Variants in TARS3 observed in about 807,000 individuals in gnomAD.
TARS3 encodes threonyl-tRNA synthetase 3, also known as threonine--tRNA ligase 2, cytoplasmic.
In TARS3, 94 loss-of-function variants were observed where a neutral mutation model predicts 103.5. That is an observed-to-expected ratio of 0.91 (90% CI 0.77 to 1.08). TARS3 has a LOEUF of 1.08. Among genes scored for constraint, TARS3 ranks in the 50% least tolerant of loss-of-function variants. The probability of loss-of-function intolerance (pLI) is 0.00; values close to 1 mark genes in which losing one functional copy is unlikely to be tolerated. For synonymous variants in TARS3, 416 were observed against 355.4 expected (o/e 1.17, Z -1.92); for missense variants, 952 against 995.2 (o/e 0.96, Z 0.58).
chr15:101,706,950 A>T (rs1899595902), intron 6 of TARS3, among the ~76,000 whole-genome samples: 1 of 152,246 alleles, frequency 6.6e-6, no homozygotes, highest in South Asian at 2.1e-4. Context: ...GGATATCCAG[A>T]ATATATCAAG....
At chr15:101,718,385 C>T (rs1179391917) in intron 3 of TARS3, among the ~76,000 whole-genome samples, 1 of 151,760 alleles carries the variant, frequency 6.6e-6, no homozygotes, top group Non-Finnish European at 1.5e-5. Context: ...ACTCTTGTTG[C>T]TTTCAGCAAG....
intron 15 of TARS3, among the ~76,000 whole-genome samples, chr15:101,663,588 T>C (rs548854936): frequency 4.6e-5 from 7 of 152,380 alleles, no homozygotes; most frequent in African/African-American, 1.2e-4. Context: ...TATTTTGTGG[T>C]TGCTGTTGCT....
chr15:101,705,390 C>T (rs959302147), intron 7 of TARS3, among the ~76,000 whole-genome samples: 4 of 152,098 alleles, frequency 2.6e-5, no homozygotes, highest in East Asian at 3.9e-4. Context: ...TTAATAAGAA[C>T]GTGGAAGGAC....
Position 101,671,491 on chromosome 15 carries a change from A to G in TARS3, c.1962T>C (p.Tyr654=), listed in dbSNP as rs749391798. 1.4e-5 allele frequency: 23 copies of G among 1,599,592 alleles called. 1 individual carries two copies. Among genetic ancestry groups the G allele is most frequent in the African/African-American group, 2.7e-5 (2 of 74,688 alleles). The change falls in exon 15 of 19, where the codon TAT becomes TAC. Residue 654 remains tyrosine (Y), a synonymous_variant. Coordinates refer to ENST00000335968, the MANE Select transcript of TARS3 (RefSeq NM_152334.3). The part of the protein sequence containing the change: ...FQLPIRFNLT[Y]VSKDGDDKKR... ...TATCACATTCAATCACTCACCTAAC[A>G]TATGTGAGATTAAATCTAATAGGCA...
At chr15:101,693,518 A>G (rs1898826964) in intron 10 of TARS3, among the ~76,000 whole-genome samples, 2 of 152,176 alleles carry the variant, frequency 1.3e-5, no homozygotes, top group African/African-American at 2.4e-5. Context: ...CAGCCAAACC[A>G]TATCACCATA....
chr15:101,713,990 C>T (rs760900710), intron 4 of TARS3, among the ~76,000 whole-genome samples: 1 of 152,078 alleles, frequency 6.6e-6, no homozygotes, highest in Non-Finnish European at 1.5e-5. Flanking sequence ...TAGCATAAGC[C>T]TTGCAATTAT....
chr15:101,719,344 G>A (rs1369081501), intron 3 of TARS3, among the ~76,000 whole-genome samples: 1 of 152,202 alleles, frequency 6.6e-6, no homozygotes, highest in Non-Finnish European at 1.5e-5. Context: ...GGGGTGTTCT[G>A]TACATCACTC....
chr15:101,664,197 T>C lies in TARS3; in HGVS notation c.1968-2381A>G, dbSNP rs138315347. ...GGTCTGCAATCCACTGCTTCCACCTTTGCTTGCCTACTCGCCATTTGCCAC... is the reference window on the plus strand; with the variant it reads ...GGTCTGCAATCCACTGCTTCCACCTCTGCTTGCCTACTCGCCATTTGCCAC... On this transcript the variant is annotated intron_variant, in intron 15 of 18. Transcript: ENST00000335968. 11 of 152,532 alleles carry C rather than the reference T, an allele frequency of 7.2e-5. No individual in the cohort carries two copies. In the East Asian group the frequency reaches 1.7e-3, roughly 24 times the overall value. 9.4% of individuals were successfully genotyped at this position (152,532 alleles called of 1,614,324 possible). A position where few individuals can be genotyped will look rare whatever the true frequency, so the allele number is the denominator to read the frequency against.
chr15:101,664,573 C>G (rs1460030797), intron 15 of TARS3: 2 of 152,144 alleles, frequency 1.3e-5, no homozygotes, highest in African/African-American at 4.8e-5. Flanking sequence ...TGAACTGACA[C>G]CGAACCGCAG....
chr15:101,721,189 TC>T lies in TARS3; in HGVS notation c.502del (p.Asp168MetfsTer30). 6.2e-7 allele frequency: 1 copy of T among 1,613,080 alleles called. No individual in the cohort carries two copies. The highest frequency in any genetic ancestry group is 2.2e-5 in the East Asian group (1 of 44,868). On this transcript the variant is annotated frameshift_variant, in exon 3 of 19. Transcript: ENST00000335968. LOFTEE classifies it high-confidence loss of function. ...TSNIITVRVA[D>X]GQTVQGEVWK... ...GACTTCCCCTTGCACTGTTTGCCCA[TC>T]AGCCACTCTTACTGTGATGATGTTG... is the stretch of plus-strand genomic sequence containing the variant.
At chr15:101,695,938 G>A (rs192728812) in intron 10 of TARS3, 12 of 152,420 alleles carry the variant, frequency 7.9e-5, no homozygotes, top group East Asian at 1.9e-4. Context: ...ATAAAAGGCC[G>A]GGCGCGGTGG....
intron 4 of TARS3, among the ~76,000 whole-genome samples, chr15:101,712,944 G>A (rs1899939864): frequency 6.6e-6 from 1 of 152,218 alleles, no homozygotes; most frequent in South Asian, 2.1e-4. Context: ...TCAGTCCTTA[G>A]GGCACAGCAC....
At chr15:101,696,651 G>A (rs1418961464) in intron 10 of TARS3, among the ~76,000 whole-genome samples, 1 of 152,138 alleles carries the variant, frequency 6.6e-6, no homozygotes, top group Admixed American at 6.5e-5. Flanking sequence ...TGACTGAACA[G>A]ACACCCTCTT....
chr15:101,693,676 C>G (rs1295185569), intron 10 of TARS3, among the ~76,000 whole-genome samples: 2 of 152,150 alleles, frequency 1.3e-5, no homozygotes, highest in Non-Finnish European at 2.9e-5. Flanking sequence ...CAGGATGGAT[C>G]TGAAGCAGTG....
intron 5 of TARS3, among the ~76,000 whole-genome samples, chr15:101,709,200 T>G (rs1899731761): frequency 6.6e-6 from 1 of 152,222 alleles, no homozygotes; most frequent in Non-Finnish European, 1.5e-5. Context: ...TGTTCTTTTG[T>G]GTGGTCTTCC....
At chr15:101,686,740 G>C (rs1305982293) in intron 10 of TARS3, among the ~76,000 whole-genome samples, 3 of 152,064 alleles carry the variant, frequency 2.0e-5, no homozygotes, top group Non-Finnish European at 4.4e-5. Context: ...ATGTCAATTA[G>C]GTCAAATTGT....
intron 10 of TARS3, among the ~76,000 whole-genome samples, chr15:101,697,448 A>G (rs965660110): frequency 6.6e-6 from 1 of 152,184 alleles, no homozygotes; most frequent in African/African-American, 2.4e-5. Flanking sequence ...AGAATGTAGA[A>G]AATGACAGCC....
At chr15:101,705,602 A>G in intron 7 of TARS3, 81 bp downstream of exon 7, 1 of 1,209,390 alleles carries the variant, frequency 8.3e-7, no homozygotes, top group Non-Finnish European at 1.2e-6. Flanking sequence ...ATCGATCTCC[A>G]ACCAGAAAAC....
intron 10 of TARS3, among the ~76,000 whole-genome samples, chr15:101,688,716 C>T (rs1567338438): frequency 1.3e-5 from 2 of 152,054 alleles, no homozygotes; most frequent in Non-Finnish European, 2.9e-5. Context: ...AAGATGAATG[C>T]TATAATAAGT....
Sources: allele counts gnomAD v4.1 joint callset (sites outside exome capture counted in the v4.1 genomes callset), GRCh38; gene constraint gnomAD v4.1.1; transcripts MANE v1.5; gene names NCBI Gene and HGNC (gene_info 2026-07-23, HGNC 2026-07-21).